The following ALOXE3 variants were observed in gnomAD, a reference collection of about 807,000 sequenced individuals.
ALOXE3 encodes arachidonate epidermal lipoxygenase 3.
In ALOXE3, 78 loss-of-function variants were observed where a neutral mutation model predicts 87.5. The observed-to-expected ratio is 0.89, with a 90% CI of 0.74 to 1.08. The LOEUF is 1.08. Ranked by LOEUF, ALOXE3 falls within the 50% of genes least tolerant of loss-of-function variation. The probability of loss-of-function intolerance (pLI) is 0.00; values close to 1 mark genes in which losing one functional copy is unlikely to be tolerated. For missense variants in ALOXE3, 946 were observed against 912.4 expected (o/e 1.04, Z -0.47); for synonymous variants, 363 against 370.8 (o/e 0.98, Z 0.24).
chr17:8,108,667 T>C (rs754044959), intron 12 of ALOXE3, 78 bp from the exon 13 acceptor site: 41 of 1,577,008 alleles, frequency 2.6e-5, no homozygotes, highest in Non-Finnish European at 3.5e-5. Context: ...CCACTGCTGC[T>C]CAGGCGGCAG....
chr17:8,118,614 G>A (rs1306062299), upstream of ALOXE3: 1 of 1,535,130 alleles, frequency 6.5e-7, no homozygotes, highest in Non-Finnish European at 8.7e-7. Context: ...ATGTCAAATG[G>A]TCAGGAACAG....
chr17:8,117,797 G>T (rs1232200275), intron 2 of ALOXE3, 47 bp downstream of exon 2: 2 of 1,594,024 alleles, frequency 1.3e-6, no homozygotes, highest in Non-Finnish European at 1.7e-6. Flanking sequence ...CCCGCCTGCG[G>T]CCCCTGCCCC....
Position 8,114,932 on chromosome 17 carries a change from C to A in ALOXE3, c.554+6G>T. 6.2e-7 allele frequency: 1 copy of A among 1,614,002 alleles called. No homozygotes were observed. Among genetic ancestry groups the A allele is most frequent in the East Asian group, 2.2e-5 (1 of 44,864 alleles). On this transcript the variant is annotated splice_donor_region_variant and intron_variant, in intron 5 of 15. Coordinates refer to ENST00000448843, the MANE Select transcript of ALOXE3 (RefSeq NM_021628.3). ...TTTCCCCTCCTTCCCAAGCTTTAATCTTCACCTGTCACCCTGGTCTACACA... is the reference window on the plus strand; with the variant it reads ...TTTCCCCTCCTTCCCAAGCTTTAATATTCACCTGTCACCCTGGTCTACACA...
At chr17:8,105,732 G>A (rs952727166) in intron 13 of ALOXE3, among the ~76,000 whole-genome samples, 14 of 151,894 alleles carry the variant, frequency 9.2e-5, no homozygotes, top group Admixed American at 2.0e-4. Context: ...GCAAGACCTT[G>A]TCTCTAAAAA....
intron 15 of ALOXE3, among the ~76,000 whole-genome samples, chr17:8,098,394 C>T (rs1027885911): frequency 1.3e-5 from 2 of 151,914 alleles, no homozygotes; most frequent in African/African-American, 4.8e-5. Flanking sequence ...TAGCCACCAC[C>T]ATGCCTGGCT....
At chr17:8,101,988 G>C (rs899326778) in intron 15 of ALOXE3, among the ~76,000 whole-genome samples, 2 of 152,168 alleles carry the variant, frequency 1.3e-5, no homozygotes, top group African/African-American at 4.8e-5. Context: ...TGAGAAATAA[G>C]AATATTCACC....
At chr17:8,118,564 T>A, upstream of ALOXE3, 1 of 1,527,456 alleles carries the variant, frequency 6.5e-7, no homozygotes, top group South Asian at 1.2e-5. Flanking sequence ...CACACGTGAC[T>A]GCAGCCACAC....
rs1474455917 is a variant in ALOXE3 at position 8,118,258 on chromosome 17, C to G, written c.-268G>C. 1.3e-6 allele frequency: 2 copies of G among 1,551,722 alleles called. No individual in the cohort carries two copies. The highest frequency in any genetic ancestry group is 2.0e-5 in the Admixed American group (1 of 50,996). ...TTTGCTTGCCTCTGACACAGCCGGT[C>G]CCTCTGGCTGGCTCACCCAGATGGA... On this transcript the variant is annotated 5_prime_UTR_variant, in exon 2 of 16. Coordinates refer to ENST00000448843, the MANE Select transcript of ALOXE3 (RefSeq NM_021628.3).
intron 11 of ALOXE3, 131 bp from the exon 12 acceptor site, chr17:8,109,474 A>C (rs1598208079): frequency 8.0e-7 from 1 of 1,246,252 alleles, no homozygotes; most frequent in Non-Finnish European, 1.1e-6. Flanking sequence ...CGGATCAAAT[A>C]CCCACGAGGG....
intron 13 of ALOXE3, among the ~76,000 whole-genome samples, chr17:8,107,663 G>A (rs1979423408): frequency 6.6e-6 from 1 of 151,532 alleles, no homozygotes; most frequent in South Asian, 2.1e-4. Context: ...GCTGGGCGTG[G>A]TGGCGGGTGC....
At chr17:8,111,670 T>C in intron 7 of ALOXE3, 139 bp from the exon 8 acceptor site, 1 of 835,144 alleles carries the variant, frequency 1.2e-6, no homozygotes, top group Non-Finnish European at 2.0e-6. Context: ...TATCTTCAAT[T>C]TAATACTAGA....
At chr17:8,114,426 G>A in intron 6 of ALOXE3, 58 bp downstream of exon 6, 1 of 1,613,106 alleles carries the variant, frequency 6.2e-7, no homozygotes, top group Non-Finnish European at 8.5e-7. Context: ...TGGGAGCACG[G>A]GGAGGGGGAT....
At chr17:8,100,140 G>A (rs796852545) in intron 15 of ALOXE3, among the ~76,000 whole-genome samples, 1 of 151,890 alleles carries the variant, frequency 6.6e-6, no homozygotes, top group African/African-American at 2.4e-5. Flanking sequence ...GGAGGGAGAG[G>A]GGGGAGGGAG....
upstream of ALOXE3, chr17:8,118,564 T>G (rs1170077540): frequency 2.6e-6 from 4 of 1,527,338 alleles, no homozygotes; most frequent in Admixed American, 5.9e-5. Flanking sequence ...CACACGTGAC[T>G]GCAGCCACAC....
rs1979054786 is a variant in ALOXE3, at chr17:8,103,469, TG to T, written c.1809del (p.Asn604MetfsTer6). 6.2e-7 allele frequency: 1 copy of T among 1,614,016 alleles called. No individual in the cohort carries two copies. On this transcript the variant is annotated frameshift_variant, in exon 15 of 16. Transcript: ENST00000448843. LOFTEE classifies it high-confidence loss of function. ...SGQHDFGAWM[P>X]NAPSSMRQPP... Reference sequence around the variant, plus strand: ...GGCTGCCTCATGGATGATGGAGCATTGGGCATCCAGGCCCCAAAGTCATGCT... The same window carrying T: ...GGCTGCCTCATGGATGATGGAGCATTGGCATCCAGGCCCCAAAGTCATGCT...
rs75160728 is a variant in ALOXE3, at chr17:8,103,745, G to A, written c.1786-252C>T. ...TTGTCACTCCCCGCCCAGTGTTCCA[G>A]GACTCGGTGGGGTGAGTCACTAGGG... On this transcript the variant is annotated intron_variant, in intron 14 of 15. Transcript: ENST00000448843. Among the ~76,000 whole-genome samples the A allele has an allele frequency of 3.9e-5, 6 of 152,170 alleles. No homozygotes were observed. In the East Asian group the frequency reaches 1.2e-3, roughly 29 times the overall value.
intron 13 of ALOXE3, among the ~76,000 whole-genome samples, chr17:8,106,200 T>C (rs1204060719): frequency 6.6e-6 from 1 of 151,992 alleles, no homozygotes; most frequent in Non-Finnish European, 1.5e-5. Flanking sequence ...ATCAGCCACC[T>C]AACTGGATTT....
chr17:8,107,377 T>C (rs987610999), intron 13 of ALOXE3, among the ~76,000 whole-genome samples: 1 of 152,064 alleles, frequency 6.6e-6, no homozygotes, highest in African/African-American at 2.4e-5. Context: ...ATTAGCCAGA[T>C]GTGGTGGCAG....
In ALOXE3 at chr17:8,116,949, T is replaced by C; in HGVS notation, c.179A>G (p.Glu60Gly). The change falls in exon 3 of 16, where the codon GAG (glutamate) becomes GGG (glycine). Residue 60 changes from glutamate to glycine, a missense_variant. Physicochemically the swap from Glu to Gly is moderately conservative, Grantham distance 98. Transcript: ENST00000448843. Reference protein sequence around the residue: ...VQKYKVRCTAELGELLLLRVH... With the variant: ...VQKYKVRCTAGLGELLLLRVH... ...ACGCAGCAGCAAGAGCTCACCCAGCTCCGCTGTGCAACGCACCTTGTACTT... is the reference window on the plus strand; with the variant it reads ...ACGCAGCAGCAAGAGCTCACCCAGCCCCGCTGTGCAACGCACCTTGTACTT... 1.2e-6 allele frequency: 2 copies of C among 1,614,150 alleles called. No individual in the cohort carries two copies. Among genetic ancestry groups the C allele is most frequent in the Non-Finnish European group, 1.7e-6 (2 of 1,180,010 alleles).
Sources: gnomAD v4.1 joint callset for allele counts (sites outside exome capture counted in the v4.1 genomes callset) on GRCh38, gnomAD v4.1.1 for gene constraint, MANE v1.5 for transcripts, NCBI Gene and HGNC (gene_info 2026-07-23, HGNC 2026-07-21) for gene names.